GSN: variants seen among roughly 807,000 people sequenced by gnomAD.
The protein encoded by GSN is gelsolin.
Under a neutral mutation model 85.7 loss-of-function variants are expected in GSN, and 56 were observed. That is an observed-to-expected ratio of 0.65 (90% CI 0.53 to 0.82). GSN has a LOEUF of 0.82. GSN is among the 40% of genes least tolerant of loss of function. GSN has a pLI of 0.00. For synonymous variants in GSN, 373 were observed against 399.1 expected, an observed-to-expected ratio of 0.93 and a Z score of 0.78; for missense variants, 857 against 979.8, an observed-to-expected ratio of 0.87 and a Z score of 1.67.
chr9:121,218,792 T>C (rs1437564242), intron 4 of GSN, among the ~76,000 whole-genome samples: 1 of 152,210 alleles, frequency 6.6e-6, no homozygotes, highest in Non-Finnish European at 1.5e-5. Flanking sequence ...TTATGTGGAA[T>C]TTCTTGGATA....
At chr9:121,241,179 G>A (rs1368908486) in intron 5 of GSN, among the ~76,000 whole-genome samples, 1 of 152,192 alleles carries the variant, frequency 6.6e-6, no homozygotes. Context: ...TCGGAAAGAA[G>A]TGCAAAGGGC....
chr9:121,239,371 T>G, intron 5 of GSN: 1 of 448,910 alleles, frequency 2.2e-6, no homozygotes, highest in Non-Finnish European at 4.4e-6. Context: ...GCAGATGTTG[T>G]CCATTGAGCC....
intron 4 of GSN, chr9:121,309,167 G>T (rs1589031489): frequency 6.6e-6 from 1 of 152,282 alleles, no homozygotes; most frequent in Non-Finnish European, 1.5e-5. Context: ...CTGGGCTTCA[G>T]TTTACCGTGG....
intron 5 of GSN, among the ~76,000 whole-genome samples, chr9:121,240,552 A>G (rs1039739149): frequency 2.0e-5 from 3 of 152,240 alleles, no homozygotes; most frequent in Non-Finnish European, 2.9e-5. Context: ...TTCTGCGTCA[A>G]TATCCTTCTG....
At chr9:121,327,693 C>G (rs1337032149) in intron 14 of GSN, among the ~76,000 whole-genome samples, 1 of 152,136 alleles carries the variant, frequency 6.6e-6, no homozygotes, top group African/African-American at 2.4e-5. Context: ...GAGAGCCTAG[C>G]CTGGGCGTGG....
At chr9:121,210,112 T>G (rs1235830610) in intron 2 of GSN, 1 of 152,250 alleles carries the variant, frequency 6.6e-6, no homozygotes, top group African/African-American at 2.4e-5. Context: ...TAGGTTTTAC[T>G]GTGTAAGAAA....
Position 121,326,632 on chromosome 9 carries a change from C to T in GSN, c.1537C>T (p.Arg513Cys), listed in dbSNP as rs746839611. 13 of 1,607,744 alleles carry T rather than the reference C, an allele frequency of 8.1e-6. No individual in the cohort carries two copies. Among genetic ancestry groups the T allele is most frequent in the Admixed American group, 6.8e-5 (4 of 59,094 alleles). Residue 513 changes from arginine to cysteine, a missense_variant, in exon 13 of 18, where the codon CGC (arginine) becomes TGC (cysteine). By Grantham distance (180) the Arg-to-Cys change is radical. Transcript: ENST00000432226. ...EGGQTAPASTRLFQVRANSAG... is the reference protein window; with the variant it reads ...EGGQTAPASTCLFQVRANSAG... ...CGGGCAGACAGCCCCTGCCAGCACC[C>T]GCCTCTTCCAGGTCCGCGCCAACAG...
chr9:121,226,383 C>T (rs16910434), intron 4 of GSN, among the ~76,000 whole-genome samples: 2,576 of 152,220 alleles, frequency 0.017, 67 homozygotes, highest in African/African-American at 0.059. Flanking sequence ...GGAAAAGCAA[C>T]CCAGATTGTA....
intron 2 of GSN, among the ~76,000 whole-genome samples, chr9:121,301,306 T>C (rs917754914): frequency 6.6e-6 from 1 of 152,146 alleles, no homozygotes; most frequent in Non-Finnish European, 1.5e-5. Flanking sequence ...TCTCTGTGCC[T>C]CGGTTATCAC....
chr9:121,286,080 T>G, intron 2 of GSN: 1 of 1,531,070 alleles, frequency 6.5e-7, no homozygotes. Context: ...GTCCTATTTA[T>G]AGGCTGAGAT....
Position 121,291,431 on chromosome 9 carries a change from T to C in GSN, c.-10+9869T>C, listed in dbSNP as rs938720483. 6.8e-4 allele frequency among the ~76,000 whole-genome samples: 102 copies of C among 150,558 alleles called. 1 individual carries two copies. The highest frequency in any genetic ancestry group is 1.7e-3 in the Admixed American group (25 of 15,118). On this transcript the variant is annotated intron_variant, in intron 2 of 17. Transcript: ENST00000432226. ...CCCCACTGGACTTTTTTTTTTTTTT[T>C]TTTTTGAGTTGGAGTCTTGCTCTGT...
In GSN at chr9:121,324,661, G is replaced by A. The variant is rs747631468; in HGVS notation, c.1416+17G>A. On this transcript the variant is annotated intron_variant, in intron 12 of 17. Coordinates refer to ENST00000432226, the MANE Select transcript of GSN (RefSeq NM_198252.3). ...CCTGTCCAGGTGAGCCCAGCCCACCGCCTCTCTGGGCTGCAGCCTGAGCCT... is the reference window on the plus strand; with the variant it reads ...CCTGTCCAGGTGAGCCCAGCCCACCACCTCTCTGGGCTGCAGCCTGAGCCT... 9.5e-5 allele frequency: 119 copies of A among 1,253,936 alleles called. No homozygotes were observed. The highest frequency in any genetic ancestry group is 1.3e-4 in the East Asian group (5 of 39,620). The allele number at this position is 1,253,936 out of a possible 1,614,324, so 77.7% of individuals were successfully genotyped here.
chr9:121,260,943 C>G (rs574300531), intron 6 of GSN, among the ~76,000 whole-genome samples: 80 of 152,304 alleles, frequency 5.3e-4, no homozygotes, highest in Non-Finnish European at 1.0e-3. Flanking sequence ...ATCCAATCAT[C>G]AGTTTTTTTG....
In GSN at chr9:121,286,261, C is replaced by T. The variant is rs1488501087; in HGVS notation, c.-10+4699C>T. 1.2e-5 allele frequency: 12 copies of T among 965,786 alleles called. No homozygotes were observed. The South Asian group carries it at 1.5e-4, about 12-fold the overall frequency. The allele number at this position is 965,786 out of a possible 1,614,324, so 59.8% of individuals were successfully genotyped here. A position where few individuals can be genotyped will look rare whatever the true frequency, so the allele number is the denominator to read the frequency against. On this transcript the variant is annotated intron_variant, in intron 2 of 17. Transcript: ENST00000432226. ...ACGCCAGGGAGACCCGAGGGAAAGT[C>T]CCGCTCCTGACTCCTAGTTCAACAC...
chr9:121,250,091 G>T (rs2054786316), intron 6 of GSN, among the ~76,000 whole-genome samples: 1 of 152,004 alleles, frequency 6.6e-6, no homozygotes, highest in East Asian at 1.9e-4. Flanking sequence ...GCTAGCTCTG[G>T]TCGTACTTTC....
intron 10 of GSN, among the ~76,000 whole-genome samples, chr9:121,320,231 C>T (rs2062243083): frequency 1.3e-5 from 2 of 152,236 alleles, no homozygotes; most frequent in Admixed American, 6.5e-5. Flanking sequence ...CACCAGGTGG[C>T]GCTGCCGGGC....
intron 2 of GSN, among the ~76,000 whole-genome samples, chr9:121,287,703 A>C (rs867420965): frequency 2.0e-5 from 3 of 149,612 alleles, no homozygotes; most frequent in East Asian, 1.9e-4. Flanking sequence ...TTTTTTTTTT[A>C]AAAACAGCTT....
intron 4 of GSN, among the ~76,000 whole-genome samples, chr9:121,218,709 T>C (rs1208819440): frequency 6.6e-6 from 1 of 152,244 alleles, no homozygotes; most frequent in Non-Finnish European, 1.5e-5. Context: ...AGGAGCTTGT[T>C]GCAGGAGTTG....
At chr9:121,312,578 GA>G (rs779668368) in intron 6 of GSN, 90 bp downstream of exon 6, 4,424 of 525,770 alleles carry the variant, frequency 8.4e-3, no homozygotes, top group Middle Eastern at 0.012. Context: ...TGAATTTGAG[GA>G]AAAAAAAAAA....
Sources: allele counts gnomAD v4.1 joint callset (sites outside exome capture counted in the v4.1 genomes callset), GRCh38; gene constraint gnomAD v4.1.1; transcripts MANE v1.5; gene names NCBI Gene and HGNC (gene_info 2026-07-23, HGNC 2026-07-21).